Variants in NFKB1 observed in about 807,000 individuals in gnomAD.
NFKB1 encodes nuclear factor kappa B subunit 1, also known as nuclear factor NF-kappa-B p105 subunit.
NFKB1 carries 9 observed loss-of-function variants against 105.1 expected under a neutral mutation model. The ratio of observed to expected loss-of-function variants is 0.09; its 90% CI spans 0.05 to 0.15. The LOEUF is 0.15. Ranked by LOEUF, NFKB1 falls within the 10% of genes least tolerant of loss-of-function variation. NFKB1 has a pLI of 1.00. For synonymous variants in NFKB1, 440 were observed against 442.2 expected (o/e 1.00, Z 0.06); for missense variants, 830 against 1,203.7 (o/e 0.69, Z 4.59).
At chr4:102,578,854 T>C in intron 7 of NFKB1, 27 bp from the exon 8 acceptor site, 2 of 1,606,224 alleles carry the variant, frequency 1.2e-6, no homozygotes, top group East Asian at 2.2e-5. Context: ...TCCCTGGGCA[T>C]GAATGGACTG....
In NFKB1 at chr4:102,568,553, GT is replaced by G. The variant is rs551202094; in HGVS notation, c.407+1421del. 1.2e-3 allele frequency among the ~76,000 whole-genome samples: 179 copies of G among 152,208 alleles called. 1 individual carries two copies. The highest frequency in any genetic ancestry group is 4.2e-3 in the African/African-American group (174 of 41,564). On this transcript the variant is annotated intron_variant, in intron 6 of 23. Coordinates refer to ENST00000226574, the MANE Select transcript of NFKB1 (RefSeq NM_003998.4). ...GATTTATTCCAGTAGGGTTCTGTCA[GT>G]TTGAAGTGTTTATTTTCTTTGGTCT...
chr4:102,539,004 C>T (rs1214444005), intron 5 of NFKB1, among the ~76,000 whole-genome samples: 6 of 151,840 alleles, frequency 4.0e-5, no homozygotes, highest in South Asian at 2.1e-4. Flanking sequence ...TTTGGGAGGC[C>T]GAGGCTAGCA....
At chr4:102,572,134 T>C (rs370841519) in intron 6 of NFKB1, among the ~76,000 whole-genome samples, 11 of 152,120 alleles carry the variant, frequency 7.2e-5, no homozygotes, top group Admixed American at 2.0e-4. Context: ...CATATATACA[T>C]CATGGAATAC....
chr4:102,577,252 C>T (rs1478349128), intron 7 of NFKB1, among the ~76,000 whole-genome samples: 2 of 152,140 alleles, frequency 1.3e-5, no homozygotes, highest in Non-Finnish European at 2.9e-5. Flanking sequence ...TTCTCTGGCC[C>T]CAGCAACTTT....
chr4:102,532,909 A>C (rs1375512525), intron 3 of NFKB1, among the ~76,000 whole-genome samples: 1 of 152,156 alleles, frequency 6.6e-6, no homozygotes, highest in East Asian at 1.9e-4. Flanking sequence ...ATCAGCTGGG[A>C]AGCTTAAGGA....
Position 102,576,868 on chromosome 4 carries a change from T to G in NFKB1, c.408-8T>G. 6.2e-7 allele frequency: 1 copy of G among 1,602,660 alleles called. No individual in the cohort carries two copies. The highest frequency in any genetic ancestry group is 1.1e-5 in the South Asian group (1 of 88,620). ...TTGTTGCTGCTGCTGTTACTGTTTT[T>G]TCTCCAGCTTCGCAAACCTGGGTAT... On this transcript the variant is annotated splice_polypyrimidine_tract_variant and splice_region_variant and intron_variant, in intron 6 of 23. Transcript: ENST00000226574.
chr4:102,566,872 A>G, intron 5 of NFKB1, 115 bp from the exon 6 acceptor site: 1 of 1,008,112 alleles, frequency 9.9e-7, no homozygotes, highest in Non-Finnish European at 1.5e-6. Flanking sequence ...TCATGTATAT[A>G]CATATATGAA....
At chr4:102,573,714 C>G (rs1018484816) in intron 6 of NFKB1, among the ~76,000 whole-genome samples, 1 of 152,076 alleles carries the variant, frequency 6.6e-6, no homozygotes, top group African/African-American at 2.4e-5. Flanking sequence ...TCACTGATGA[C>G]CTGTTTTTTA....
chr4:102,571,381 T>C (rs1362480581), intron 6 of NFKB1, among the ~76,000 whole-genome samples: 1 of 152,154 alleles, frequency 6.6e-6, no homozygotes, highest in East Asian at 1.9e-4. Flanking sequence ...ATAAAAACCC[T>C]AGAAGAAGAC....
chr4:102,612,541 G>C lies in NFKB1; in HGVS notation c.2527G>C (p.Gly843Arg), dbSNP rs1159282370. The change falls in exon 22 of 24, where the codon GGG becomes CGG. Residue 843 changes from glycine (G) to arginine (R), a missense_variant. Transcript: ENST00000226574. ...WATLAQKLGL[G>R]ILNNAFRLSP... Reference sequence around the variant, plus strand: ...TACTCTGGCGCAGAAATTAGGTCTGGGGATACTTAATAATGCCTTCCGGCT... The same window carrying C: ...TACTCTGGCGCAGAAATTAGGTCTGCGGATACTTAATAATGCCTTCCGGCT... 1.2e-6 allele frequency: 2 copies of C among 1,613,984 alleles called. No homozygotes were observed. The highest frequency in any genetic ancestry group is 1.7e-6 in the Non-Finnish European group (2 of 1,180,002).
At chr4:102,560,322 C>T (rs767250057) in intron 5 of NFKB1, among the ~76,000 whole-genome samples, 3 of 152,088 alleles carry the variant, frequency 2.0e-5, no homozygotes, top group Non-Finnish European at 4.4e-5. Flanking sequence ...AAAAAGGAAA[C>T]CGTGGGTCAA....
At chr4:102,609,964 T>G (rs145828590) in intron 19 of NFKB1, among the ~76,000 whole-genome samples, 1 of 152,112 alleles carries the variant, frequency 6.6e-6, no homozygotes, top group Non-Finnish European at 1.5e-5. Context: ...GATGTTTTGT[T>G]TATTTGTTTG....
chr4:102,598,451 G>A lies in NFKB1; in HGVS notation c.1637+790G>A, dbSNP rs576100378. Among the ~76,000 whole-genome samples the A allele has an allele frequency of 5.9e-5, 9 of 152,316 alleles. No homozygotes were observed. The East Asian group carries it at 9.6e-4, about 16-fold the overall frequency. On this transcript the variant is annotated intron_variant, in intron 15 of 23. Coordinates refer to ENST00000226574, the MANE Select transcript of NFKB1 (RefSeq NM_003998.4). ...CTTTTCTGTGGAAGAGCTCTTGAGT[G>A]CTGTGTTTTAGACTTCAGTTTAAAA...
intron 1 of NFKB1, among the ~76,000 whole-genome samples, chr4:102,507,169 C>T (rs1173285131): frequency 4.6e-5 from 7 of 151,614 alleles, no homozygotes; most frequent in Non-Finnish European, 7.4e-5. Flanking sequence ...AAAAGTACTC[C>T]GAAGATTAAT....
intron 5 of NFKB1, among the ~76,000 whole-genome samples, chr4:102,550,845 C>A (rs960763111): frequency 5.9e-5 from 9 of 151,984 alleles, no homozygotes; most frequent in African/African-American, 1.7e-4. Flanking sequence ...TTTTTTATTT[C>A]TATTCCATTT....
chr4:102,526,143 A>G (rs554751739), intron 2 of NFKB1, among the ~76,000 whole-genome samples: 17 of 152,212 alleles, frequency 1.1e-4, no homozygotes, highest in Non-Finnish European at 1.6e-4. Flanking sequence ...ATCCAATATG[A>G]CTTCATCTTA....
intron 20 of NFKB1, among the ~76,000 whole-genome samples, chr4:102,611,176 G>T (rs1728376464): frequency 6.6e-6 from 1 of 152,166 alleles, no homozygotes; most frequent in African/African-American, 2.4e-5. Context: ...AGATCTGAAG[G>T]TATAAAGCAG....
chr4:102,513,629 T>G (rs1336572475), intron 1 of NFKB1, among the ~76,000 whole-genome samples: 1 of 151,784 alleles, frequency 6.6e-6, no homozygotes, highest in Non-Finnish European at 1.5e-5. Flanking sequence ...TTCAGGGGGG[T>G]GAGGTTATGT....
intron 5 of NFKB1, among the ~76,000 whole-genome samples, chr4:102,561,281 T>TTTG (rs1553932419): frequency 9.7e-5 from 12 of 123,762 alleles, no homozygotes; most frequent in African/African-American, 3.8e-4. Flanking sequence ...TTTTTTTTTT[T>TTTG]TGTGTGTGTG....
Sources: gnomAD v4.1 joint callset for allele counts (sites outside exome capture counted in the v4.1 genomes callset) on GRCh38, gnomAD v4.1.1 for gene constraint, MANE v1.5 for transcripts, NCBI Gene and HGNC (gene_info 2026-07-23, HGNC 2026-07-21) for gene names.